The following FBXL13 variants were observed in gnomAD, a reference collection of about 807,000 sequenced individuals.
FBXL13 encodes F-box and leucine-rich repeat protein 13.
In FBXL13, 67 loss-of-function variants were observed where a neutral mutation model predicts 83.6. The ratio of observed to expected loss-of-function variants is 0.80; its 90% CI spans 0.66 to 0.98. The LOEUF (loss-of-function observed/expected upper bound fraction) is 0.98, where lower values mean the gene tolerates loss of function less well. Ranked by LOEUF, FBXL13 falls within the 50% of genes least tolerant of loss-of-function variation. The pLI is 0.00. For synonymous variants in FBXL13, 272 were observed against 299.5 expected, an observed-to-expected ratio of 0.91 and a Z score of 0.95; for missense variants, 822 against 866.5, an observed-to-expected ratio of 0.95 and a Z score of 0.64.
At chr7:102,823,237 CCTCT>C (rs1222550314) in intron 18 of FBXL13, among the ~76,000 whole-genome samples, 3 of 152,108 alleles carry the variant, frequency 2.0e-5, no homozygotes, top group African/African-American at 4.8e-5. Context: ...AATTTAAAAT[CCTCT>C]CTAAGGCATC....
In FBXL13 at chr7:102,858,461, G is replaced by A. The variant is rs968274103; in HGVS notation, c.1636-3601C>T. Among the ~76,000 whole-genome samples, 14 of 152,218 alleles carry A rather than the reference G, an allele frequency of 9.2e-5. No homozygotes were observed. In the East Asian group the frequency reaches 2.7e-3, roughly 29 times the overall value. ...TTAGTGCTCACAACACAAAGAAAAT[G>A]ATAAATATTTGAGGTGATGGATACT... On this transcript the variant is annotated intron_variant, in intron 16 of 19. Transcript: ENST00000313221.
intron 1 of FBXL13, among the ~76,000 whole-genome samples, chr7:103,060,918 G>T (rs1488590435): frequency 6.6e-6 from 1 of 152,178 alleles, no homozygotes; most frequent in African/African-American, 2.4e-5. Flanking sequence ...CCATCCCCCT[G>T]TGGGACGGAG....
chr7:102,952,087 G>T (rs1237270081), intron 8 of FBXL13, among the ~76,000 whole-genome samples: 6 of 152,094 alleles, frequency 3.9e-5, no homozygotes, highest in African/African-American at 1.4e-4. Flanking sequence ...AGTAAGCCAG[G>T]CACAAAAGAA....
chr7:102,842,429 T>C (rs1399600190), intron 17 of FBXL13, among the ~76,000 whole-genome samples: 1 of 152,214 alleles, frequency 6.6e-6, no homozygotes, highest in African/African-American at 2.4e-5. Context: ...AGTCAGTATG[T>C]GTCAAAGGCT....
At chr7:103,013,214 T>C (rs569893212) in intron 6 of FBXL13, among the ~76,000 whole-genome samples, 1 of 152,320 alleles carries the variant, frequency 6.6e-6, no homozygotes, top group African/African-American at 2.4e-5. Flanking sequence ...ACTGACACTA[T>C]TGAACAGATC....
chr7:103,026,550 G>C (rs1039684163), intron 5 of FBXL13, among the ~76,000 whole-genome samples: 2 of 152,164 alleles, frequency 1.3e-5, no homozygotes, highest in Admixed American at 6.5e-5. Flanking sequence ...AAGCCTAGAG[G>C]ACAGCCTGCA....
At chr7:102,993,205 T>C (rs528669502) in intron 6 of FBXL13, among the ~76,000 whole-genome samples, 7 of 152,322 alleles carry the variant, frequency 4.6e-5, no homozygotes, top group African/African-American at 1.7e-4. Context: ...TATCAAAACA[T>C]AGATCTGAAA....
At chr7:102,989,653 C>T (rs1189985617) in intron 6 of FBXL13, among the ~76,000 whole-genome samples, 2 of 152,242 alleles carry the variant, frequency 1.3e-5, no homozygotes, top group South Asian at 2.1e-4. Flanking sequence ...GACCGAGGGG[C>T]GAGTCTATCT....
intron 6 of FBXL13, among the ~76,000 whole-genome samples, chr7:102,978,090 A>G (rs1288184662): frequency 1.3e-5 from 2 of 152,208 alleles, no homozygotes; most frequent in Non-Finnish European, 2.9e-5. Context: ...CATGTACCCT[A>G]AAACTTAAAG....
chr7:102,833,071 AATACAG>A, intron 17 of FBXL13, 97 bp from the exon 19 acceptor site: 3 of 1,313,772 alleles, frequency 2.3e-6, no homozygotes, highest in South Asian at 1.4e-5. Context: ...CAGTCCCTGA[AATACAG>A]ATGTTAGATC....
At chr7:103,065,766 A>G (rs899120731) in intron 1 of FBXL13, among the ~76,000 whole-genome samples, 1 of 152,234 alleles carries the variant, frequency 6.6e-6, no homozygotes, top group Non-Finnish European at 1.5e-5. Context: ...GGGGAAGTCC[A>G]TTAGGTTGCC....
At chr7:102,860,677 C>CTG (rs1806678223) in intron 16 of FBXL13, among the ~76,000 whole-genome samples, 2 of 142,716 alleles carry the variant, frequency 1.4e-5, no homozygotes, top group South Asian at 4.8e-4. Context: ...TGTTGGAATG[C>CTG]TCTGTGTGTG....
chr7:102,888,066 G>A (rs915483902), intron 11 of FBXL13, among the ~76,000 whole-genome samples: 7 of 152,188 alleles, frequency 4.6e-5, no homozygotes, highest in Non-Finnish European at 8.8e-5. Flanking sequence ...AATGGCCCAC[G>A]ACTCTTTATA....
At chr7:103,023,205 G>T (rs1240802598) in intron 6 of FBXL13, among the ~76,000 whole-genome samples, 1 of 152,180 alleles carries the variant, frequency 6.6e-6, no homozygotes, top group Non-Finnish European at 1.5e-5. Context: ...GAAACCGGGA[G>T]GTGGAGCCTG....
At chr7:102,816,020 T>A (rs941764444) in intron 19 of FBXL13, among the ~76,000 whole-genome samples, 3 of 152,206 alleles carry the variant, frequency 2.0e-5, no homozygotes, top group African/African-American at 7.2e-5. Context: ...ATGAGCTGCA[T>A]GTTGAACCCC....
chr7:102,953,442 A>T (rs1052422239), intron 8 of FBXL13, among the ~76,000 whole-genome samples: 2 of 152,210 alleles, frequency 1.3e-5, no homozygotes, highest in African/African-American at 4.8e-5. Context: ...TAGAAAAGGC[A>T]TTTGACAAAA....
intron 17 of FBXL13, among the ~76,000 whole-genome samples, chr7:102,845,101 C>T (rs921012499): frequency 1.3e-5 from 2 of 152,046 alleles, no homozygotes; most frequent in Non-Finnish European, 2.9e-5. Flanking sequence ...ATGGGGGCTT[C>T]GTCATATAGA....
intron 18 of FBXL13, among the ~76,000 whole-genome samples, chr7:102,831,652 A>T (rs926949163): frequency 9.9e-5 from 15 of 152,176 alleles, no homozygotes; most frequent in Non-Finnish European, 2.2e-4. Flanking sequence ...TTCCAAAGGT[A>T]CACGGTGCTC....
intron 8 of FBXL13, among the ~76,000 whole-genome samples, chr7:102,954,573 C>G (rs1387390805): frequency 6.6e-6 from 1 of 152,130 alleles, no homozygotes; most frequent in Non-Finnish European, 1.5e-5. Flanking sequence ...GGGCTAAATG[C>G]CCCAATTAAA....
Sources: gnomAD v4.1 joint callset for allele counts (sites outside exome capture counted in the v4.1 genomes callset) on GRCh38, gnomAD v4.1.1 for gene constraint, MANE v1.5 for transcripts, NCBI Gene and HGNC (gene_info 2026-07-23, HGNC 2026-07-21) for gene names.